Variants in NUP133 observed in about 807,000 individuals in gnomAD.
NUP133 encodes nuclear pore complex protein Nup133.
Under a neutral mutation model 146.2 loss-of-function variants are expected in NUP133, and 66 were observed. The observed-to-expected ratio is 0.45, with a 90% confidence interval of 0.37 to 0.55. NUP133 has a LOEUF of 0.55. Among genes scored for constraint, NUP133 ranks in the 20% least tolerant of loss-of-function variants. The pLI is 0.00. For synonymous variants in NUP133, 521 were observed against 498.8 expected, an observed-to-expected ratio of 1.04 and a Z score of -0.59; for missense variants, 1,277 against 1,374.8, an observed-to-expected ratio of 0.93 and a Z score of 1.12.
intron 4 of NUP133, among the ~76,000 whole-genome samples, chr1:229,500,127 T>G (rs1489395925): frequency 1.3e-5 from 2 of 152,232 alleles, no homozygotes; most frequent in Non-Finnish European, 2.9e-5. Context: ...TACAAGTCCT[T>G]TGCTGGATAC....
rs1661168233 is a variant in NUP133 at position 229,479,884 on chromosome 1, A to G, written c.1593-2124T>C. On this transcript the variant is annotated intron_variant, in intron 12 of 25. Transcript: ENST00000261396. Reference sequence around the variant, plus strand: ...AGGTGGTTTAGCCATCAACAGGAACAAACAGATAAGGTGGTAACTCAAAGG... The same window carrying G: ...AGGTGGTTTAGCCATCAACAGGAACGAACAGATAAGGTGGTAACTCAAAGG... Among the ~76,000 whole-genome samples the G allele has an allele frequency of 2.0e-5, 3 of 152,212 alleles. No individual in the cohort carries two copies. In the South Asian group the frequency reaches 6.2e-4, roughly 31 times the overall value.
chr1:229,472,428 T>C (rs1413183636), intron 14 of NUP133, among the ~76,000 whole-genome samples: 1 of 151,702 alleles, frequency 6.6e-6, no homozygotes, highest in Non-Finnish European at 1.5e-5. Context: ...TGGCTCTAGA[T>C]TAAAACTATT....
chr1:229,447,939 A>G (rs1217828990), intron 24 of NUP133, among the ~76,000 whole-genome samples: 1 of 152,194 alleles, frequency 6.6e-6, no homozygotes, highest in Non-Finnish European at 1.5e-5. Context: ...CCCCACTGAT[A>G]AGACAGGATG....
chr1:229,448,764 T>A (rs976266837), intron 24 of NUP133: 2 of 240,462 alleles, frequency 8.3e-6, no homozygotes, highest in Non-Finnish European at 1.6e-5. Flanking sequence ...GTAGGTGTGT[T>A]TTCCTGAGTT....
At chr1:229,469,812 A>G (rs1212040555) in intron 15 of NUP133, among the ~76,000 whole-genome samples, 1 of 152,266 alleles carries the variant, frequency 6.6e-6, no homozygotes, top group Non-Finnish European at 1.5e-5. Context: ...TTGCTGTGGC[A>G]GAGTCAAGAG....
Position 229,464,748 on chromosome 1 carries a change from G to C in NUP133, c.2427C>G (p.Ile809Met). The C allele has an allele frequency of 1.2e-6, 2 of 1,614,148 alleles. No homozygotes were observed. The highest frequency in any genetic ancestry group is 1.7e-6 in the Non-Finnish European group (2 of 1,180,026). ...NIVTEQLVAL[I>M]DCFLDGYVSQ... ...AAACATAACCATCCAGGAAGCAATC[G>C]ATCAGGGCTACCAGCTGCTCGGTCA... is the stretch of plus-strand genomic sequence containing the variant. The change falls in exon 18 of 26, where the codon ATC becomes ATG. Residue 809 changes from isoleucine (I) to methionine (M), a missense_variant. By Grantham distance (10) the Ile-to-Met change is conservative. This residue lies in a region of NUP133 where 952 missense variants were observed against 1,047.0 expected (regional missense o/e 0.91). Transcript: ENST00000261396.
intron 14 of NUP133, among the ~76,000 whole-genome samples, chr1:229,471,141 G>A (rs1440579683): frequency 6.6e-6 from 1 of 151,954 alleles, no homozygotes; most frequent in African/African-American, 2.4e-5. Context: ...TTTGAGACAG[G>A]GTTTTGCTCT....
At chr1:229,454,517 T>C (rs1424481457) in intron 21 of NUP133, among the ~76,000 whole-genome samples, 2 of 152,236 alleles carry the variant, frequency 1.3e-5, no homozygotes, top group Non-Finnish European at 2.9e-5. Context: ...TTATTTTTCC[T>C]ATTGAATTTT....
Position 229,450,610 on chromosome 1 carries a change from G to A in NUP133, c.3100-5C>T, listed in dbSNP as rs1284992563. 6.9e-7 allele frequency: 1 copy of A among 1,453,850 alleles called. No individual in the cohort carries two copies. The highest frequency in any genetic ancestry group is 1.4e-5 in the African/African-American group (1 of 70,766). 90.1% of individuals were successfully genotyped at this position (1,453,850 alleles called of 1,614,324 possible). ...ATTTTCTTCACAGATATATAGCTAT[G>A]ACAAGTTAAAATAAGGTAGAAGATT... On this transcript the variant is annotated splice_region_variant and splice_polypyrimidine_tract_variant and intron_variant, in intron 22 of 25. Coordinates refer to ENST00000261396, the MANE Select transcript of NUP133 (RefSeq NM_018230.3).
chr1:229,497,073 T>A (rs2102782776), intron 6 of NUP133, among the ~76,000 whole-genome samples: 1 of 152,332 alleles, frequency 6.6e-6, no homozygotes, highest in South Asian at 2.1e-4. Context: ...CATGACTGTT[T>A]TGTGTTAAAA....
chr1:229,481,570 T>C (rs1021277344), intron 12 of NUP133, among the ~76,000 whole-genome samples: 6 of 151,742 alleles, frequency 4.0e-5, no homozygotes, highest in Non-Finnish European at 8.8e-5. Context: ...TAGCCGGGCA[T>C]GGCAGTGTGC....
chr1:229,490,779 G>A (rs140318940), intron 8 of NUP133, among the ~76,000 whole-genome samples: 2,693 of 151,812 alleles, frequency 0.018, 79 homozygotes, highest in African/African-American at 0.06. Context: ...CCTGGCCAAC[G>A]TGGCAAAACC....
intron 3 of NUP133, among the ~76,000 whole-genome samples, chr1:229,501,748 T>C (rs371977899): frequency 5.9e-5 from 9 of 152,218 alleles, no homozygotes; most frequent in African/African-American, 9.7e-5. Flanking sequence ...ATTATATTCA[T>C]TGGAAATATC....
chr1:229,491,821 T>C (rs1661523146), intron 8 of NUP133, among the ~76,000 whole-genome samples: 1 of 152,188 alleles, frequency 6.6e-6, no homozygotes, highest in African/African-American at 2.4e-5. Context: ...CTTATGTGTT[T>C]AATCCAAGCA....
chr1:229,471,800 G>A (rs1660962193), intron 14 of NUP133, among the ~76,000 whole-genome samples: 1 of 152,118 alleles, frequency 6.6e-6, no homozygotes, highest in South Asian at 2.1e-4. Flanking sequence ...CATGCTAGGA[G>A]ATATCTTTTT....
intron 12 of NUP133, among the ~76,000 whole-genome samples, chr1:229,481,314 C>T (rs1418657089): frequency 6.6e-6 from 1 of 152,110 alleles, no homozygotes; most frequent in East Asian, 1.9e-4. Flanking sequence ...TTCATATCTA[C>T]CCAGTGCCTC....
At chr1:229,456,041 A>C (rs1213225186) in intron 21 of NUP133, among the ~76,000 whole-genome samples, 5 of 152,176 alleles carry the variant, frequency 3.3e-5, no homozygotes, top group Non-Finnish European at 5.9e-5. Context: ...GTTTTTGAAG[A>C]GTCTAGGGCA....
intron 20 of NUP133, among the ~76,000 whole-genome samples, chr1:229,459,506 T>G (rs559087579): frequency 6.6e-6 from 1 of 152,214 alleles, no homozygotes; most frequent in Non-Finnish European, 1.5e-5. Context: ...TATATGTATA[T>G]GTGTATGTGT....
At chr1:229,454,505 A>G (rs1396486666) in intron 21 of NUP133, among the ~76,000 whole-genome samples, 1 of 152,200 alleles carries the variant, frequency 6.6e-6, no homozygotes, top group Non-Finnish European at 1.5e-5. Context: ...ACTACAGACA[A>G]CTTATTTTTC....
Sources: gnomAD v4.1 joint callset for allele counts (sites outside exome capture counted in the v4.1 genomes callset) on GRCh38, gnomAD v4.1.1 for gene constraint, gnomAD v4.1.1 regional missense constraint, MANE v1.5 for transcripts, NCBI Gene and HGNC (gene_info 2026-07-23, HGNC 2026-07-21) for gene names.